The following HMBOX1 variants were observed in gnomAD, a reference collection of about 807,000 sequenced individuals.
HMBOX1 encodes the protein homeobox containing 1.
Under a neutral mutation model 54.5 loss-of-function variants are expected in HMBOX1, and 14 were observed. The observed-to-expected ratio is 0.26, with a 90% confidence interval of 0.17 to 0.40. The LOEUF (loss-of-function observed/expected upper bound fraction) is 0.40, where lower values mean the gene tolerates loss of function less well. HMBOX1 is among the 10% of genes least tolerant of loss of function. The pLI is 1.00. For missense variants in HMBOX1, 332 were observed against 514.4 expected (o/e 0.65, Z 3.43); for synonymous variants, 160 against 181.0 (o/e 0.88, Z 0.93).
At chr8:28,976,509 C>T (rs1444839889) in intron 3 of HMBOX1, among the ~76,000 whole-genome samples, 1 of 152,044 alleles carries the variant, frequency 6.6e-6, no homozygotes. Flanking sequence ...TCTCAGCCTC[C>T]CAAGTAACTG....
At chr8:29,026,043 TACACACACACACACAC>T (rs35597688) in intron 6 of HMBOX1, among the ~76,000 whole-genome samples, 11 of 143,478 alleles carry the variant, frequency 7.7e-5, no homozygotes, top group East Asian at 2.1e-4. Flanking sequence ...TGCTACCATG[TACACACACACACACAC>T]ACACACACAC....
At chr8:28,891,977 TCTTC>T (rs553471373) in intron 1 of HMBOX1, among the ~76,000 whole-genome samples, 1 of 152,014 alleles carries the variant, frequency 6.6e-6, no homozygotes, top group Non-Finnish European at 1.5e-5. Context: ...CTGGCTTCCC[TCTTC>T]CTTCCTTCCT....
At chr8:29,011,536 G>A (rs552742635) in intron 5 of HMBOX1, among the ~76,000 whole-genome samples, 31 of 152,224 alleles carry the variant, frequency 2.0e-4, no homozygotes, top group Admixed American at 1.3e-4. Flanking sequence ...CCAAATTCCC[G>A]CACTGGAGTT....
intron 1 of HMBOX1, among the ~76,000 whole-genome samples, chr8:28,908,786 T>C (rs1010236779): frequency 1.3e-5 from 2 of 151,916 alleles, no homozygotes; most frequent in African/African-American, 4.8e-5. Flanking sequence ...CTGGGTTATA[T>C]AGAAGGACTT....
intron 1 of HMBOX1, among the ~76,000 whole-genome samples, chr8:28,926,584 C>T (rs1235127769): frequency 6.6e-6 from 1 of 151,972 alleles, no homozygotes. Context: ...TGGGGTCTTA[C>T]TCTGTCCCCC....
At chr8:28,977,924 A>G (rs1828692119) in intron 3 of HMBOX1, among the ~76,000 whole-genome samples, 1 of 151,332 alleles carries the variant, frequency 6.6e-6, no homozygotes, top group South Asian at 2.1e-4. Context: ...AGCCTGGGCG[A>G]CTGAGCGAGA....
In HMBOX1 at chr8:28,970,640, A is replaced by T. The variant is rs1476568486; in HGVS notation, c.500+121A>T. The T allele has an allele frequency of 3.2e-6, 2 of 620,102 alleles. No homozygotes were observed. The highest frequency in any genetic ancestry group is 5.6e-6 in the Non-Finnish European group (2 of 358,416). 38.4% of individuals were successfully genotyped at this position (620,102 alleles called of 1,614,324 possible). Reference sequence around the variant, plus strand: ...ACTGTAACTTCCTCTAGCTATAAGAACTGTAACTTCCTCCTCCCACCTTTG... The same window carrying T: ...ACTGTAACTTCCTCTAGCTATAAGATCTGTAACTTCCTCCTCCCACCTTTG... On this transcript the variant is annotated intron_variant, in intron 3 of 9. Coordinates refer to ENST00000287701, the MANE Select transcript of HMBOX1 (RefSeq NM_001135726.3). The surrounding 1 kb of genome is among the most constrained non-coding windows in gnomAD (Gnocchi z 4.3).
chr8:29,011,484 A>G (rs540943070), intron 5 of HMBOX1, among the ~76,000 whole-genome samples: 1 of 152,312 alleles, frequency 6.6e-6, no homozygotes, highest in East Asian at 1.9e-4. Context: ...TGAATCTGTT[A>G]TTCTGATGGG....
intron 6 of HMBOX1, among the ~76,000 whole-genome samples, chr8:29,040,729 T>A (rs572298742): frequency 1.1e-3 from 172 of 152,296 alleles, no homozygotes; most frequent in African/African-American, 3.9e-3. Context: ...TAAAACCATA[T>A]TGAATCAATT....
At chr8:29,021,996 T>C (rs1176225598) in intron 6 of HMBOX1, among the ~76,000 whole-genome samples, 1 of 143,586 alleles carries the variant, frequency 7.0e-6, no homozygotes, top group African/African-American at 2.5e-5. Flanking sequence ...GATTGGGCTG[T>C]AGAGAAACAG....
At chr8:28,982,698 T>G (rs1829562405) in intron 4 of HMBOX1, among the ~76,000 whole-genome samples, 1 of 151,910 alleles carries the variant, frequency 6.6e-6, no homozygotes, top group Non-Finnish European at 1.5e-5. Flanking sequence ...CGATCTCAGC[T>G]CACTGCAACC....
At chr8:29,036,523 C>G (rs1273271965) in intron 6 of HMBOX1, among the ~76,000 whole-genome samples, 1 of 152,096 alleles carries the variant, frequency 6.6e-6, no homozygotes, top group Non-Finnish European at 1.5e-5. Flanking sequence ...GGTTGTGTCT[C>G]CAGAGCAATT....
intron 1 of HMBOX1, among the ~76,000 whole-genome samples, chr8:28,919,875 T>A (rs1333524312): frequency 6.6e-6 from 1 of 152,194 alleles, no homozygotes; most frequent in Non-Finnish European, 1.5e-5. Flanking sequence ...GTAAAATGAA[T>A]ACTCAAGAGA....
intron 1 of HMBOX1, among the ~76,000 whole-genome samples, chr8:28,911,173 A>C (rs1042653338): frequency 6.6e-6 from 1 of 152,198 alleles, no homozygotes; most frequent in Admixed American, 6.5e-5. Flanking sequence ...CCTAGAAGTA[A>C]ATTTATTAAA....
chr8:28,936,696 T>C (rs574543296), intron 1 of HMBOX1, among the ~76,000 whole-genome samples: 32 of 151,776 alleles, frequency 2.1e-4, no homozygotes, highest in African/African-American at 7.5e-4. Context: ...CTTTTTAATA[T>C]CTGAGAGTTA....
intron 4 of HMBOX1, among the ~76,000 whole-genome samples, chr8:28,999,112 T>C (rs1482171684): frequency 2.0e-5 from 3 of 152,212 alleles, no homozygotes; most frequent in Non-Finnish European, 4.4e-5. Flanking sequence ...GAGTTACTGC[T>C]TAATGTCCTT....
chr8:28,983,151 A>G lies in HMBOX1; in HGVS notation c.586+2995A>G, dbSNP rs144424079. 1.6e-4 allele frequency among the ~76,000 whole-genome samples: 24 copies of G among 152,344 alleles called. No individual in the cohort carries two copies. In the East Asian group the frequency reaches 4.4e-3, roughly 28 times the overall value. On this transcript the variant is annotated intron_variant, in intron 4 of 9. Coordinates refer to ENST00000287701, the MANE Select transcript of HMBOX1 (RefSeq NM_001135726.3). ...GTTACAAACTTCTTTCACCATTTTC[A>G]GCCTCACCCTAACTTGTTCTTCCTC... is the stretch of plus-strand genomic sequence containing the variant.
At chr8:28,960,204 C>T (rs1174030538) in intron 1 of HMBOX1, among the ~76,000 whole-genome samples, 2 of 144,380 alleles carry the variant, frequency 1.4e-5, no homozygotes, top group Non-Finnish European at 1.5e-5. Context: ...ACTATTTTTT[C>T]TTTTGACTTT....
chr8:28,895,018 A>G (rs1360072189), intron 1 of HMBOX1, among the ~76,000 whole-genome samples: 2 of 152,074 alleles, frequency 1.3e-5, no homozygotes, highest in Non-Finnish European at 2.9e-5. Context: ...CACCCTTAAA[A>G]TGGGTGACAC....
Sources: allele counts gnomAD v4.1 joint callset (sites outside exome capture counted in the v4.1 genomes callset), GRCh38; gene constraint gnomAD v4.1.1; non-coding constraint Gnocchi (gnomAD v3.1); transcripts MANE v1.5; gene names NCBI Gene and HGNC (gene_info 2026-07-23, HGNC 2026-07-21).